The following HM13 variants were observed in gnomAD, a reference collection of about 807,000 sequenced individuals.
The protein encoded by HM13 is histocompatibility minor 13.
HM13 carries 18 observed loss-of-function variants against 50.0 expected under a neutral mutation model. The ratio of observed to expected loss-of-function variants is 0.36; its 90% CI spans 0.25 to 0.53. The LOEUF (loss-of-function observed/expected upper bound fraction) is 0.53, where lower values mean the gene tolerates loss of function less well. Among genes scored for constraint, HM13 ranks in the 20% least tolerant of loss-of-function variants. The probability of loss-of-function intolerance (pLI) is 0.90; values close to 1 mark genes in which losing one functional copy is unlikely to be tolerated. For missense variants in HM13, 393 were observed against 552.4 expected (o/e 0.71, Z 2.89); for synonymous variants, 197 against 232.6 (o/e 0.85, Z 1.39).
chr20:31,566,353 A>G, intron 11 of HM13, 58 bp downstream of exon 11: 1 of 1,364,136 alleles, frequency 7.3e-7, no homozygotes, highest in Non-Finnish European at 1.0e-6. Flanking sequence ...GCTGGCAGTC[A>G]GTGGAACCTG....
At chr20:31,517,353 A>G (rs1568776609) in intron 1 of HM13, among the ~76,000 whole-genome samples, 1 of 152,192 alleles carries the variant, frequency 6.6e-6, no homozygotes, top group Non-Finnish European at 1.5e-5. Flanking sequence ...TCACTGTCAG[A>G]GTCCTATATC....
intron 2 of HM13, chr20:31,528,036 A>T (rs1437214808): frequency 1.3e-5 from 2 of 153,220 alleles, no homozygotes; most frequent in East Asian, 3.8e-4. Flanking sequence ...AGACAGTCAC[A>T]GTTTCCCTTC....
chr20:31,524,190 TG>T (rs34604523), intron 1 of HM13, among the ~76,000 whole-genome samples: 3,052 of 152,200 alleles, frequency 0.02, 52 homozygotes, highest in Non-Finnish European at 0.033. Flanking sequence ...CAGTGAGCTA[TG>T]ATCCTGCCAC....
chr20:31,544,900 T>C (rs1313614792), intron 3 of HM13, 47 bp from the exon 4 acceptor site: 1 of 1,513,474 alleles, frequency 6.6e-7, no homozygotes, highest in East Asian at 2.3e-5. Context: ...TAAGGCTGAC[T>C]GCCCATGGGG....
chr20:31,555,592 C>G (rs757019465), intron 8 of HM13, among the ~76,000 whole-genome samples: 9 of 152,178 alleles, frequency 5.9e-5, no homozygotes, highest in African/African-American at 9.7e-5. Context: ...GTCTGCTTAT[C>G]TGGGCCCAGT....
intron 6 of HM13, 36 bp from the exon 7 acceptor site, chr20:31,550,028 A>G (rs1568793584): frequency 2.0e-6 from 3 of 1,516,742 alleles, no homozygotes; most frequent in Non-Finnish European, 2.7e-6. Context: ...ACAGCCCCTC[A>G]CTTCCCTTCA....
chr20:31,524,808 G>T (rs769382899), intron 1 of HM13, among the ~76,000 whole-genome samples: 40 of 150,672 alleles, frequency 2.7e-4, no homozygotes, highest in Non-Finnish European at 5.6e-4. Flanking sequence ...CCGCCTCCCG[G>T]GTTCATGCCA....
chr20:31,536,087 G>C (rs902463537), intron 2 of HM13, among the ~76,000 whole-genome samples: 10 of 152,142 alleles, frequency 6.6e-5, no homozygotes, highest in African/African-American at 2.4e-4. Flanking sequence ...TGGAGGCTGG[G>C]TGCGGTGGGT....
In HM13 at chr20:31,569,246, G is replaced by C; in HGVS notation, c.*27G>C. On this transcript the variant is annotated 3_prime_UTR_variant, in exon 13 of 13. Transcript: ENST00000398174. ...GCAGCTGGTGCCCGAGCCTCTCAGG[G>C]CCAGACCAGACAGATGGGGGCTGGG... 6.8e-7 allele frequency: 1 copy of C among 1,473,994 alleles called. No homozygotes were observed. Among genetic ancestry groups the C allele is most frequent in the African/African-American group, 1.4e-5 (1 of 69,738 alleles). 91.3% of individuals were successfully genotyped at this position (1,473,994 alleles called of 1,614,324 possible).
At chr20:31,550,038 A>G (rs1324290873) in intron 6 of HM13, 26 bp from the exon 7 acceptor site, 21 of 1,592,574 alleles carry the variant, frequency 1.3e-5, no homozygotes, top group Non-Finnish European at 1.8e-5. Context: ...ACTTCCCTTC[A>G]TACTGCTCTT....
At chr20:31,561,608 C>T (rs1984617652) in intron 9 of HM13, 26 bp from the exon 10 acceptor site, 2 of 1,499,866 alleles carry the variant, frequency 1.3e-6, no homozygotes, top group South Asian at 1.1e-5. Flanking sequence ...TAACCCTCCT[C>T]CTCTTTCTTC....
intron 11 of HM13, among the ~76,000 whole-genome samples, chr20:31,566,675 G>C (rs913777228): frequency 2.0e-5 from 3 of 151,952 alleles, no homozygotes; most frequent in African/African-American, 7.3e-5. Context: ...GTGAGTAATA[G>C]AACAGGGGGC....
At chr20:31,547,420 C>T (rs774003924) in intron 4 of HM13, 2 of 471,220 alleles carry the variant, frequency 4.2e-6, no homozygotes, top group East Asian at 4.2e-5. Context: ...GCGTGGCGCC[C>T]GCGCCGGCCT....
intron 3 of HM13, chr20:31,538,463 A>G: frequency 7.0e-7 from 1 of 1,421,752 alleles, no homozygotes; most frequent in Non-Finnish European, 9.2e-7. Flanking sequence ...CCTTATAGAC[A>G]TGATGAGGAT....
At chr20:31,553,876 C>T (rs1402724364) in intron 7 of HM13, among the ~76,000 whole-genome samples, 2 of 152,100 alleles carry the variant, frequency 1.3e-5, no homozygotes, top group East Asian at 3.9e-4. Context: ...GGGCCAACAT[C>T]TGTCCATACC....
intron 10 of HM13, among the ~76,000 whole-genome samples, chr20:31,564,344 A>C (rs191645997): frequency 9.3e-4 from 142 of 152,234 alleles, no homozygotes; most frequent in African/African-American, 3.3e-3. Flanking sequence ...TGGGAGGCAA[A>C]AGCAGGTGGA....
Position 31,569,303 on chromosome 20 carries a change from G to A in HM13, c.*84G>A, listed in dbSNP as rs1985129769. 2 of 915,772 alleles carry A rather than the reference G, an allele frequency of 2.2e-6. No individual in the cohort carries two copies. The highest frequency in any genetic ancestry group is 1.7e-5 in the African/African-American group (1 of 58,114). The allele number at this position is 915,772 out of a possible 1,614,324, so 56.7% of individuals were successfully genotyped here. A position where few individuals can be genotyped will look rare whatever the true frequency, so the allele number is the denominator to read the frequency against. ...CAGGCGTGCACCGGTAGAGGGCACA[G>A]GAGGCCAAGGGCAGCTCCAGGACAG... On this transcript the variant is annotated 3_prime_UTR_variant, in exon 13 of 13. Transcript: ENST00000398174.
At chr20:31,550,601 A>C (rs1983992097) in intron 7 of HM13, 1 of 155,226 alleles carries the variant, frequency 6.4e-6, no homozygotes, top group Non-Finnish European at 1.4e-5. Flanking sequence ...TCTGAAATCC[A>C]GAATGTTCCA....
At chr20:31,545,687 G>GT (rs755484498) in intron 4 of HM13, among the ~76,000 whole-genome samples, 19 of 152,176 alleles carry the variant, frequency 1.2e-4, no homozygotes, top group Non-Finnish European at 2.6e-4. Context: ...TTCAAATGCT[G>GT]TAACAAGATT....
Sources: allele counts gnomAD v4.1 joint callset (sites outside exome capture counted in the v4.1 genomes callset), GRCh38; gene constraint gnomAD v4.1.1; transcripts MANE v1.5; gene names NCBI Gene and HGNC (gene_info 2026-07-23, HGNC 2026-07-21).